NR3C2: variants seen among roughly 807,000 people sequenced by gnomAD.
NR3C2 encodes the protein nuclear receptor subfamily 3 group C member 2.
A neutral mutation model predicts 86.4 loss-of-function variants in NR3C2; 15 were observed. That is an observed-to-expected ratio of 0.17 (90% CI 0.12 to 0.27). The LOEUF (loss-of-function observed/expected upper bound fraction) is 0.27. NR3C2 is among the 10% of genes least tolerant of loss of function. The pLI, the probability that NR3C2 is intolerant of heterozygous loss-of-function variation, is 1.00. For missense variants in NR3C2, 960 were observed against 1,195.6 expected (o/e 0.80, Z 2.91); for synonymous variants, 458 against 450.5 (o/e 1.02, Z -0.21).
chr4:148,128,364 A>G (rs1241984557), intron 6 of NR3C2, among the ~76,000 whole-genome samples: 1 of 152,190 alleles, frequency 6.6e-6, no homozygotes, highest in Non-Finnish European at 1.5e-5. Flanking sequence ...GAAGTAGTTG[A>G]TTTGAGAAAT....
chr4:148,232,964 G>A (rs1317851694), intron 3 of NR3C2, among the ~76,000 whole-genome samples: 2 of 152,216 alleles, frequency 1.3e-5, no homozygotes, highest in Non-Finnish European at 1.5e-5. Flanking sequence ...ATTGAACAGA[G>A]TTAGGGCCTT....
intron 6 of NR3C2, among the ~76,000 whole-genome samples, chr4:148,124,857 T>A (rs1279325505): frequency 6.6e-6 from 1 of 152,204 alleles, no homozygotes; most frequent in Non-Finnish European, 1.5e-5. Flanking sequence ...ATATCTATAG[T>A]GTTTTAATTT....
chr4:148,214,853 A>T (rs1737448871), intron 3 of NR3C2, among the ~76,000 whole-genome samples: 1 of 151,864 alleles, frequency 6.6e-6, no homozygotes, highest in Non-Finnish European at 1.5e-5. Context: ...TTGGCAAATA[A>T]TTAAAAACGT....
chr4:148,259,951 A>G, intron 3 of NR3C2, 27 bp downstream of exon 3: 1 of 1,613,882 alleles, frequency 6.2e-7, no homozygotes, highest in Non-Finnish European at 8.5e-7. Context: ...AAAAATATGT[A>G]AAAGGAACAC....
At chr4:148,107,797 A>T (rs986147940) in intron 8 of NR3C2, among the ~76,000 whole-genome samples, 3 of 152,194 alleles carry the variant, frequency 2.0e-5, no homozygotes, top group African/African-American at 7.2e-5. Flanking sequence ...GGTGAACAAT[A>T]AAAACACATG....
intron 8 of NR3C2, among the ~76,000 whole-genome samples, chr4:148,109,935 G>C (rs1316804902): frequency 6.6e-6 from 1 of 152,162 alleles, no homozygotes; most frequent in Non-Finnish European, 1.5e-5. Flanking sequence ...CTCTAAGAAT[G>C]AATAGAAGTT....
rs551015291 is a variant in NR3C2 at position 148,219,538 on chromosome 4, T to G, written c.1898-24676A>C. Among the ~76,000 whole-genome samples the G allele has an allele frequency of 1.1e-3, 167 of 152,362 alleles. 1 individual carries two copies. Among genetic ancestry groups the G allele is most frequent in the Non-Finnish European group, 1.5e-3 (101 of 68,032 alleles). On this transcript the variant is annotated intron_variant, in intron 3 of 8. Coordinates refer to ENST00000358102, the MANE Select transcript of NR3C2 (RefSeq NM_000901.5). Reference sequence around the variant, plus strand: ...ACTTAGACATTAATTGCCCTTTTCATTCTCATGCTTTTATGAGTATACAAT... The same window carrying G: ...ACTTAGACATTAATTGCCCTTTTCAGTCTCATGCTTTTATGAGTATACAAT...
At chr4:148,208,314 T>C (rs1368487791) in intron 3 of NR3C2, 1 of 152,268 alleles carries the variant, frequency 6.6e-6, no homozygotes, top group East Asian at 1.9e-4. Context: ...TGCAGGACTG[T>C]ATTCAGCCCT....
chr4:148,261,934 A>C (rs753994343), intron 2 of NR3C2, among the ~76,000 whole-genome samples: 1 of 152,232 alleles, frequency 6.6e-6, no homozygotes, highest in African/African-American at 2.4e-5. Context: ...TTCTTAAATC[A>C]AGGACTGAAA....
chr4:148,363,565 G>A (rs556831922), intron 2 of NR3C2, among the ~76,000 whole-genome samples: 81 of 132,928 alleles, frequency 6.1e-4, no homozygotes, highest in Admixed American at 1.1e-3. Context: ...TTGCAGTGGC[G>A]CTATCTCAGC....
At chr4:148,329,033 T>C (rs1379338264) in intron 2 of NR3C2, among the ~76,000 whole-genome samples, 2 of 152,190 alleles carry the variant, frequency 1.3e-5, no homozygotes, top group East Asian at 3.9e-4. Context: ...GAAAATAAGA[T>C]GGTGCGAGGA....
At chr4:148,433,248 G>T (rs1029995350) in intron 2 of NR3C2, among the ~76,000 whole-genome samples, 1 of 152,072 alleles carries the variant, frequency 6.6e-6, no homozygotes, top group Non-Finnish European at 1.5e-5. Context: ...TGAGCTTACT[G>T]CATCTGTAAT....
intron 8 of NR3C2, among the ~76,000 whole-genome samples, chr4:148,112,651 C>T (rs531368583): frequency 2.0e-5 from 3 of 152,302 alleles, no homozygotes; most frequent in South Asian, 2.1e-4. Context: ...TCACTGAGTT[C>T]GCCTTGTGGG....
intron 2 of NR3C2, among the ~76,000 whole-genome samples, chr4:148,274,668 T>C (rs1376423985): frequency 1.3e-5 from 2 of 151,920 alleles, no homozygotes; most frequent in Non-Finnish European, 2.9e-5. Context: ...GTCTGCTTAA[T>C]GGACTCAGTC....
At chr4:148,222,355 A>T (rs1157193764) in intron 3 of NR3C2, among the ~76,000 whole-genome samples, 1 of 152,202 alleles carries the variant, frequency 6.6e-6, no homozygotes, top group African/African-American at 2.4e-5. Flanking sequence ...TAAGTACTCA[A>T]AAGCCTATTG....
intron 3 of NR3C2, among the ~76,000 whole-genome samples, chr4:148,199,080 C>CAAAAA (rs60075012): frequency 5.3e-5 from 2 of 37,494 alleles, no homozygotes; most frequent in African/African-American, 9.8e-5. Context: ...GACTCCATCT[C>CAAAAA]AAAAAAAAAA....
chr4:148,101,774 C>T (rs987132625), intron 8 of NR3C2, among the ~76,000 whole-genome samples: 7 of 152,168 alleles, frequency 4.6e-5, no homozygotes, highest in Non-Finnish European at 8.8e-5. Flanking sequence ...CAACCACATT[C>T]GAACTGCTCA....
chr4:148,088,100 A>G, intron 8 of NR3C2, among the ~76,000 whole-genome samples: 1 of 152,232 alleles, frequency 6.6e-6, no homozygotes, highest in Non-Finnish European at 1.5e-5. Flanking sequence ...GCCAACAAAC[A>G]TTTGGAAAAA....
At chr4:148,384,050 C>G (rs1475416321) in intron 2 of NR3C2, among the ~76,000 whole-genome samples, 1 of 150,862 alleles carries the variant, frequency 6.6e-6, no homozygotes, top group African/African-American at 2.4e-5. Context: ...TTTGTAAGAA[C>G]CAGGATTCAC....
Sources: allele counts gnomAD v4.1 joint callset (sites outside exome capture counted in the v4.1 genomes callset), GRCh38; gene constraint gnomAD v4.1.1; transcripts MANE v1.5; gene names NCBI Gene and HGNC (gene_info 2026-07-23, HGNC 2026-07-21).